RALGAPA1: variants seen among roughly 807,000 people sequenced by gnomAD.
The protein encoded by RALGAPA1 is ral GTPase-activating protein subunit alpha-1.
A neutral mutation model predicts 269.6 loss-of-function variants in RALGAPA1; 52 were observed. The observed-to-expected ratio is 0.19, with a 90% CI of 0.15 to 0.24. RALGAPA1 has a LOEUF of 0.24. Ranked by LOEUF, RALGAPA1 falls within the 10% of genes least tolerant of loss-of-function variation. RALGAPA1 has a pLI of 1.00. For missense variants in RALGAPA1, 1,917 were observed against 3,013.9 expected (o/e 0.64, Z 8.52); for synonymous variants, 817 against 1,008.3 (o/e 0.81, Z 3.60).
rs1180526278 is a variant in RALGAPA1 at position 35,750,531 on chromosome 14, C to G, written c.962G>C (p.Gly321Ala). 1.7e-5 allele frequency: 27 copies of G among 1,613,046 alleles called. No homozygotes were observed. Among genetic ancestry groups the G allele is most frequent in the Non-Finnish European group, 2.3e-5 (27 of 1,179,500 alleles). The change falls in exon 9 of 42, where the codon GGA (glycine) becomes GCA (alanine). Residue 321 changes from glycine to alanine, a missense_variant. By Grantham distance (60) the Gly-to-Ala change is moderately conservative (BLOSUM62 0). Around this residue, in one of 11 missense-constraint regions of RALGAPA1, gnomAD observed 462 missense variants for 725.6 expected, o/e 0.64. Coordinates refer to ENST00000680220, the MANE Select transcript of RALGAPA1 (RefSeq NM_001346249.2). ...SFWLEPKPHT[G>A]PHIPGMEGEV... Reference sequence around the variant, plus strand: ...ACCTTCCATCCCAGGAATATGAGGTCCTGTATGTGGTTTTGGCTCCAGCCA... The same window carrying G: ...ACCTTCCATCCCAGGAATATGAGGTGCTGTATGTGGTTTTGGCTCCAGCCA...
intron 36 of RALGAPA1, among the ~76,000 whole-genome samples, chr14:35,604,082 T>C (rs1594777628): frequency 6.6e-6 from 1 of 152,138 alleles, no homozygotes; most frequent in Non-Finnish European, 1.5e-5. Context: ...ACACATTGTA[T>C]GCACTTACCA....
chr14:35,594,105 T>C (rs1289228701), intron 37 of RALGAPA1, among the ~76,000 whole-genome samples: 1 of 152,076 alleles, frequency 6.6e-6, no homozygotes, highest in African/African-American at 2.4e-5. Context: ...TGAATCCTTA[T>C]CTTACACCAT....
intron 26 of RALGAPA1, among the ~76,000 whole-genome samples, chr14:35,666,252 A>C (rs1308800785): frequency 6.6e-6 from 1 of 151,232 alleles, no homozygotes; most frequent in African/African-American, 2.5e-5. Context: ...ACTGGACACA[A>C]TTATCTTTTT....
chr14:35,677,610 T>C, intron 22 of RALGAPA1: 2 of 217,770 alleles, frequency 9.2e-6, no homozygotes, highest in Non-Finnish European at 1.8e-5. Flanking sequence ...TGTGAGTTAC[T>C]AGGTTCTTTA....
chr14:35,742,610 G>A, intron 10 of RALGAPA1, 45 bp from the exon 11 acceptor site: 1 of 1,349,556 alleles, frequency 7.4e-7, no homozygotes, highest in East Asian at 2.3e-5. Flanking sequence ...TTTTTCCTTT[G>A]CCACAAACCA....
chr14:35,808,268 C>T (rs193264750), intron 1 of RALGAPA1, among the ~76,000 whole-genome samples: 2 of 152,126 alleles, frequency 1.3e-5, no homozygotes, highest in South Asian at 4.1e-4. Context: ...TTTTGGGAAC[C>T]GCCCACTTCC....
At chr14:35,795,838 C>T (rs1270579782) in intron 1 of RALGAPA1, among the ~76,000 whole-genome samples, 1 of 149,034 alleles carries the variant, frequency 6.7e-6, no homozygotes, top group East Asian at 2.0e-4. Flanking sequence ...AAAAAATTAG[C>T]TGGGTGTGGT....
At chr14:35,709,181 A>T (rs1325082088) in intron 16 of RALGAPA1, among the ~76,000 whole-genome samples, 1 of 152,168 alleles carries the variant, frequency 6.6e-6, no homozygotes, top group African/African-American at 2.4e-5. Context: ...TGACTATAGC[A>T]AAAAATAATT....
At chr14:35,622,925 C>T (rs2060730219) in intron 35 of RALGAPA1, among the ~76,000 whole-genome samples, 1 of 151,898 alleles carries the variant, frequency 6.6e-6, no homozygotes, top group Admixed American at 6.6e-5. Context: ...ATGGCAAAAC[C>T]CTGTCTCTTA....
intron 31 of RALGAPA1, among the ~76,000 whole-genome samples, chr14:35,645,352 T>G (rs1042785807): frequency 7.3e-6 from 1 of 137,304 alleles, no homozygotes; most frequent in Non-Finnish European, 1.6e-5. Flanking sequence ...GATGGGTGTG[T>G]GTGTGTGTGT....
At chr14:35,676,006 GA>G (rs912763097) in intron 22 of RALGAPA1, among the ~76,000 whole-genome samples, 30 of 144,354 alleles carry the variant, frequency 2.1e-4, no homozygotes, top group African/African-American at 5.6e-4. Flanking sequence ...TCCATTACAA[GA>G]AAAAAAAAAG....
At chr14:35,766,719 G>T in intron 4 of RALGAPA1, 1 of 560,860 alleles carries the variant, frequency 1.8e-6, no homozygotes. Flanking sequence ...TTTCATCAAA[G>T]CACAGAAAGT....
At chr14:35,753,962 T>C (rs2072961285) in intron 7 of RALGAPA1, among the ~76,000 whole-genome samples, 3 of 152,104 alleles carry the variant, frequency 2.0e-5, no homozygotes, top group Non-Finnish European at 4.4e-5. Context: ...GATATTTAGG[T>C]AGTTACACAG....
intron 4 of RALGAPA1, among the ~76,000 whole-genome samples, chr14:35,769,065 T>TATATACACAC (rs1237249622): frequency 1.0e-4 from 8 of 77,790 alleles, no homozygotes; most frequent in African/African-American, 3.7e-4. Flanking sequence ...TATATATATA[T>TATATACACAC]ACACACACAT....
intron 26 of RALGAPA1, among the ~76,000 whole-genome samples, chr14:35,665,305 C>G (rs1485813295): frequency 6.6e-6 from 1 of 152,176 alleles, no homozygotes; most frequent in African/African-American, 2.4e-5. Flanking sequence ...ATGAAGGTAA[C>G]TTTTCATCTT....
At chr14:35,643,231 A>C (rs2062151616) in intron 31 of RALGAPA1, among the ~76,000 whole-genome samples, 1 of 152,174 alleles carries the variant, frequency 6.6e-6, no homozygotes, top group Non-Finnish European at 1.5e-5. Context: ...TACCTAATGT[A>C]AATGACGAGT....
At chr14:35,599,006 G>A (rs767610975) in intron 36 of RALGAPA1, among the ~76,000 whole-genome samples, 11 of 152,044 alleles carry the variant, frequency 7.2e-5, no homozygotes, top group Non-Finnish European at 1.6e-4. Flanking sequence ...GTTTTGTAGT[G>A]GTTGCTCTAT....
At position 35,692,268 on chromosome 14, in the gene RALGAPA1, A is replaced by C. The variant is rs191238334; in HGVS notation, c.2408-2265T>G. 3.6e-4 allele frequency among the ~76,000 whole-genome samples: 55 copies of C among 152,266 alleles called. 1 individual carries two copies. In the Middle Eastern group the frequency reaches 0.027, roughly 75 times the overall value. ...ACCAAAGGTCAAAATCAAGATTTCA[A>C]AACATTAAAATCATAAAAACATTAT... On this transcript the variant is annotated intron_variant, in intron 17 of 41. Transcript: ENST00000680220.
At chr14:35,541,668 T>TA (rs2054012428) in intron 41 of RALGAPA1, 1 of 454,468 alleles carries the variant, frequency 2.2e-6, no homozygotes, top group East Asian at 7.0e-5. Flanking sequence ...TGAAGAGCAG[T>TA]AGTAGCTCAT....
Sources: gnomAD v4.1 joint callset for allele counts (sites outside exome capture counted in the v4.1 genomes callset) on GRCh38, gnomAD v4.1.1 for gene constraint, gnomAD v4.1.1 regional missense constraint, MANE v1.5 for transcripts, NCBI Gene and HGNC (gene_info 2026-07-23, HGNC 2026-07-21) for gene names.